The following OTUD7A variants were observed in gnomAD, a reference collection of about 807,000 sequenced individuals.
The protein encoded by OTUD7A is OTU deubiquitinase 7A.
Under a neutral mutation model 65.7 loss-of-function variants are expected in OTUD7A, and 12 were observed. The ratio of observed to expected loss-of-function variants is 0.18; its 90% CI spans 0.12 to 0.30. The LOEUF is 0.30. Among genes scored for constraint, OTUD7A ranks in the 10% least tolerant of loss-of-function variants. The probability of loss-of-function intolerance (pLI) is 1.00; values close to 1 mark genes in which losing one functional copy is unlikely to be tolerated. For missense variants in OTUD7A, 1,148 were observed against 1,304.8 expected, an observed-to-expected ratio of 0.88 and a Z score of 1.85; for synonymous variants, 641 against 586.3, an observed-to-expected ratio of 1.09 and a Z score of -1.35.
At chr15:31,764,356 T>C (rs1283923974) in intron 1 of OTUD7A, among the ~76,000 whole-genome samples, 1 of 152,120 alleles carries the variant, frequency 6.6e-6, no homozygotes, top group Non-Finnish European at 1.5e-5. Flanking sequence ...AACACTATCA[T>C]TTTATAGAGG....
intron 3 of OTUD7A, among the ~76,000 whole-genome samples, chr15:31,618,311 G>C (rs952815912): frequency 3.3e-5 from 5 of 152,190 alleles, no homozygotes; most frequent in African/African-American, 1.2e-4. Context: ...GGATGGCTAG[G>C]TCAAATGGTA....
intron 1 of OTUD7A, among the ~76,000 whole-genome samples, chr15:31,778,540 G>A (rs1246283718): frequency 6.6e-6 from 1 of 152,214 alleles, no homozygotes; most frequent in Admixed American, 6.5e-5. Context: ...GTGGGGCTCT[G>A]TCCCTCGTGA....
intron 1 of OTUD7A, among the ~76,000 whole-genome samples, chr15:31,739,739 T>C (rs1894287826): frequency 6.6e-6 from 1 of 152,112 alleles, no homozygotes; most frequent in South Asian, 2.1e-4. Flanking sequence ...ATTACAGGCA[T>C]GCACCACCAT....
chr15:31,809,091 G>C (rs1287128569), intron 1 of OTUD7A, among the ~76,000 whole-genome samples: 18 of 152,112 alleles, frequency 1.2e-4, no homozygotes, highest in Non-Finnish European at 1.2e-4. Context: ...AGTGTAGACT[G>C]CAGGGTCAGC....
In OTUD7A at chr15:31,772,437, C is replaced by T. The variant is rs953660962; in HGVS notation, c.-100+98070G>A. On this transcript the variant is annotated intron_variant, in intron 1 of 12. Transcript: ENST00000307050. ...AGGGTACAGTGAGTAAAGGAATAAA[C>T]GAAAAAAAATGATGAGTTGTGGGGC... 6.6e-5 allele frequency among the ~76,000 whole-genome samples: 10 copies of T among 151,894 alleles called. No homozygotes were observed. In the East Asian group the frequency reaches 1.2e-3, roughly 18 times the overall value.
At chr15:31,549,828 G>A (rs1222952876) in intron 5 of OTUD7A, among the ~76,000 whole-genome samples, 2 of 152,170 alleles carry the variant, frequency 1.3e-5, no homozygotes, top group Admixed American at 6.5e-5. Context: ...AGACGGCAAG[G>A]ATGTGGTGTG....
At chr15:31,761,972 T>C (rs1190753827) in intron 1 of OTUD7A, among the ~76,000 whole-genome samples, 1 of 152,126 alleles carries the variant, frequency 6.6e-6, no homozygotes, top group Non-Finnish European at 1.5e-5. Context: ...AGAAGATAGA[T>C]TAATGGTTGC....
intron 1 of OTUD7A, chr15:31,766,332 A>C (rs939765941): frequency 2.2e-5 from 35 of 1,600,844 alleles, no homozygotes; most frequent in Non-Finnish European, 2.9e-5. Context: ...TAAAAGTTGA[A>C]GCTTTCTATG....
intron 3 of OTUD7A, among the ~76,000 whole-genome samples, chr15:31,581,049 G>A (rs560772890): frequency 1.1e-4 from 17 of 152,272 alleles, no homozygotes; most frequent in East Asian, 5.8e-4. Context: ...GGTTACTTCC[G>A]AGATACAATG....
At chr15:31,777,477 G>A (rs753850332) in intron 1 of OTUD7A, among the ~76,000 whole-genome samples, 5 of 152,178 alleles carry the variant, frequency 3.3e-5, no homozygotes, top group Non-Finnish European at 5.9e-5. Context: ...ATGAACTGTG[G>A]GGTTGCCAGG....
At chr15:31,656,054 C>A (rs1391747065) in intron 2 of OTUD7A, among the ~76,000 whole-genome samples, 1 of 152,206 alleles carries the variant, frequency 6.6e-6, no homozygotes, top group East Asian at 1.9e-4. Flanking sequence ...CTGAAGATGG[C>A]TACTGAACTA....
At chr15:31,491,886 A>AG (rs2141070439) in intron 10 of OTUD7A, among the ~76,000 whole-genome samples, 1 of 152,312 alleles carries the variant, frequency 6.6e-6, no homozygotes, top group African/African-American at 2.4e-5. Flanking sequence ...AAAAAAAAAA[A>AG]CTGTTAATCT....
intron 3 of OTUD7A, among the ~76,000 whole-genome samples, chr15:31,581,850 CT>C (rs1237982592): frequency 6.6e-6 from 1 of 152,234 alleles, no homozygotes; most frequent in Non-Finnish European, 1.5e-5. Context: ...TGCCTCATTA[CT>C]TACGGAAATT....
intron 1 of OTUD7A, among the ~76,000 whole-genome samples, chr15:31,660,103 T>C (rs1224628291): frequency 6.6e-6 from 1 of 152,302 alleles, no homozygotes; most frequent in Non-Finnish European, 1.5e-5. Flanking sequence ...TGTACTGTTC[T>C]GGTATTGAGA....
chr15:31,762,452 C>T (rs1211607040), intron 1 of OTUD7A, among the ~76,000 whole-genome samples: 2 of 152,236 alleles, frequency 1.3e-5, no homozygotes, highest in Non-Finnish European at 2.9e-5. Context: ...GCATAAAGAA[C>T]CAGAAAGACT....
chr15:31,638,231 C>T (rs1891398151), intron 3 of OTUD7A, among the ~76,000 whole-genome samples: 1 of 152,100 alleles, frequency 6.6e-6, no homozygotes, highest in Non-Finnish European at 1.5e-5. Flanking sequence ...CAAGACCCTC[C>T]ACCAGCAAAA....
rs545140146 is a variant in OTUD7A, at chr15:31,527,371, G to A, written c.653-63C>T. On this transcript the variant is annotated intron_variant, in intron 6 of 12. Coordinates refer to ENST00000307050, the MANE Select transcript of OTUD7A (RefSeq NM_001382637.1). ...GGACATGAGAAAAGACAAGCCAGAGGTGATGCAAACTACCACGACCCACTG... is the reference window on the plus strand; with the variant it reads ...GGACATGAGAAAAGACAAGCCAGAGATGATGCAAACTACCACGACCCACTG... 18 of 1,577,896 alleles carry A rather than the reference G, an allele frequency of 1.1e-5. No individual in the cohort carries two copies. The Admixed American group carries it at 2.0e-4, about 17-fold the overall frequency.
intron 1 of OTUD7A, among the ~76,000 whole-genome samples, chr15:31,718,992 T>C: frequency 6.6e-6 from 1 of 152,130 alleles, no homozygotes. Flanking sequence ...ATCACTTTGT[T>C]GTTGGGATCT....
chr15:31,526,042 C>T (rs1285411290), intron 8 of OTUD7A, among the ~76,000 whole-genome samples: 3 of 152,186 alleles, frequency 2.0e-5, no homozygotes, highest in Non-Finnish European at 4.4e-5. Context: ...AGGCGCACAC[C>T]CCAACTGTTG....
Sources: allele counts gnomAD v4.1 joint callset (sites outside exome capture counted in the v4.1 genomes callset), GRCh38; gene constraint gnomAD v4.1.1; transcripts MANE v1.5; gene names NCBI Gene and HGNC (gene_info 2026-07-23, HGNC 2026-07-21).